RELN: variants seen among roughly 807,000 people sequenced by gnomAD.
RELN encodes the protein reelin.
RELN carries 108 observed loss-of-function variants against 427.6 expected under a neutral mutation model. The observed-to-expected ratio is 0.25, with a 90% CI of 0.22 to 0.30. The LOEUF (loss-of-function observed/expected upper bound fraction) is 0.30. Ranked by LOEUF, RELN falls within the 10% of genes least tolerant of loss-of-function variation. The pLI, the probability that RELN is intolerant of heterozygous loss-of-function variation, is 1.00. For synonymous variants in RELN, 1,524 were observed against 1,513.4 expected (o/e 1.01, Z -0.16); for missense variants, 3,715 against 4,302.8 (o/e 0.86, Z 3.82).
chr7:103,877,325 G>A (rs1011399223), intron 2 of RELN, among the ~76,000 whole-genome samples: 14 of 152,070 alleles, frequency 9.2e-5, no homozygotes, highest in African/African-American at 3.1e-4. Context: ...ATCCCAACAT[G>A]TCTGCCTCAA....
intron 15 of RELN, among the ~76,000 whole-genome samples, chr7:103,651,340 T>C (rs1268367031): frequency 6.6e-6 from 1 of 152,070 alleles, no homozygotes; most frequent in African/African-American, 2.4e-5. Flanking sequence ...AATTTAACTT[T>C]CTTCCATTTT....
chr7:103,672,654 TC>T, intron 11 of RELN, among the ~76,000 whole-genome samples: 1 of 152,258 alleles, frequency 6.6e-6, no homozygotes, highest in South Asian at 2.1e-4. Flanking sequence ...ATATTTTTTT[TC>T]CCAATAATAT....
intron 1 of RELN, among the ~76,000 whole-genome samples, chr7:103,983,540 T>C (rs1483715296): frequency 6.6e-6 from 1 of 152,248 alleles, no homozygotes; most frequent in Non-Finnish European, 1.5e-5. Context: ...AATTCGAGTA[T>C]CTGAAATAGG....
At chr7:103,827,357 G>A (rs1161561143) in intron 3 of RELN, among the ~76,000 whole-genome samples, 1 of 151,870 alleles carries the variant, frequency 6.6e-6, no homozygotes, top group Non-Finnish European at 1.5e-5. Context: ...AGAAAAGAGG[G>A]GGGAAAATGA....
chr7:103,895,350 G>T (rs1794937053), intron 2 of RELN, among the ~76,000 whole-genome samples: 1 of 152,070 alleles, frequency 6.6e-6, no homozygotes, highest in Non-Finnish European at 1.5e-5. Flanking sequence ...AGGCAAATGG[G>T]GGCCCATTAA....
intron 1 of RELN, among the ~76,000 whole-genome samples, chr7:103,962,845 T>G (rs1346778926): frequency 2.6e-5 from 4 of 152,166 alleles, no homozygotes; most frequent in African/African-American, 9.7e-5. Flanking sequence ...TTAAGAAAAC[T>G]ATTATGAGTT....
In RELN at chr7:103,745,731, G is replaced by A. The variant is rs1409279604; in HGVS notation, c.656+3695C>T. 2.0e-5 allele frequency among the ~76,000 whole-genome samples: 3 copies of A among 150,314 alleles called. No homozygotes were observed. The East Asian group carries it at 5.8e-4, about 29-fold the overall frequency. ...AAAGGGATGTGAAGGACCTCTTCAA[G>A]GAGAACTACAAACCACTGCTCAAGG... On this transcript the variant is annotated intron_variant, in intron 6 of 64. Coordinates refer to ENST00000428762, the MANE Select transcript of RELN (RefSeq NM_005045.4).
At chr7:103,895,806 C>T (rs1794947017) in intron 2 of RELN, among the ~76,000 whole-genome samples, 1 of 151,588 alleles carries the variant, frequency 6.6e-6, no homozygotes, top group Admixed American at 6.6e-5. Flanking sequence ...TACTAGACGG[C>T]ATACAGAAAG....
At position 103,580,037 on chromosome 7, in the gene RELN, A is replaced by G. The variant is rs362654; in HGVS notation, c.4146-4332T>C. Among the ~76,000 whole-genome samples the G allele has an allele frequency of 3.5e-3, 538 of 152,282 alleles. 21 individuals are homozygous for G. The East Asian group carries it at 0.091, about 26-fold the overall frequency. Reference sequence around the variant, plus strand: ...TACCAACATATATTCACCATCACCAATGTGTTTTCTGTAGGCAAGAGCCCG... The same window carrying G: ...TACCAACATATATTCACCATCACCAGTGTGTTTTCTGTAGGCAAGAGCCCG... On this transcript the variant is annotated intron_variant, in intron 28 of 64. Coordinates refer to ENST00000428762, the MANE Select transcript of RELN (RefSeq NM_005045.4).
chr7:103,656,192 A>G (rs1377053152), intron 12 of RELN, among the ~76,000 whole-genome samples: 1 of 152,112 alleles, frequency 6.6e-6, no homozygotes, highest in Non-Finnish European at 1.5e-5. Flanking sequence ...GACCTAAATT[A>G]ATAATTTAAA....
intron 1 of RELN, among the ~76,000 whole-genome samples, chr7:103,979,633 G>A (rs2116839253): frequency 6.6e-6 from 1 of 152,336 alleles, no homozygotes; most frequent in South Asian, 2.1e-4. Context: ...AGGTCAGAAT[G>A]CAGAAACTCA....
At chr7:103,859,535 C>T (rs1282447326) in intron 2 of RELN, among the ~76,000 whole-genome samples, 6 of 152,226 alleles carry the variant, frequency 3.9e-5, no homozygotes, top group Middle Eastern at 6.8e-3. Context: ...CCTCGTGATC[C>T]GCCCACTTTG....
At chr7:103,917,219 TAC>T in intron 1 of RELN, 34 bp from the exon 2 acceptor site, 1 of 1,446,490 alleles carries the variant, frequency 6.9e-7, no homozygotes, top group Non-Finnish European at 9.7e-7. Flanking sequence ...AAACTCTCAA[TAC>T]AGTCAGAATA....
At chr7:103,703,803 T>G (rs778309221) in intron 8 of RELN, among the ~76,000 whole-genome samples, 3 of 152,144 alleles carry the variant, frequency 2.0e-5, no homozygotes, top group Non-Finnish European at 4.4e-5. Context: ...ATGGAGAACT[T>G]TGGCTATTAA....
intron 2 of RELN, among the ~76,000 whole-genome samples, chr7:103,875,943 C>T (rs1794467703): frequency 6.6e-6 from 1 of 152,014 alleles, no homozygotes; most frequent in Admixed American, 6.6e-5. Flanking sequence ...GAGACAACCC[C>T]CAAGAGTCAA....
intron 49 of RELN, among the ~76,000 whole-genome samples, chr7:103,519,102 T>C (rs757765773): frequency 5.3e-5 from 8 of 152,210 alleles, no homozygotes; most frequent in African/African-American, 1.9e-4. Flanking sequence ...GGCATTGTGG[T>C]AGAATATTTC....
intron 8 of RELN, among the ~76,000 whole-genome samples, chr7:103,714,099 A>G (rs945495988): frequency 4.6e-5 from 7 of 152,120 alleles, no homozygotes; most frequent in African/African-American, 1.7e-4. Flanking sequence ...GGCTGGTTTA[A>G]TATGTTTTTT....
At chr7:103,979,993 C>G (rs1796958187) in intron 1 of RELN, among the ~76,000 whole-genome samples, 2 of 152,118 alleles carry the variant, frequency 1.3e-5, no homozygotes, top group African/African-American at 4.8e-5. Context: ...GAAACCCTGT[C>G]TCTACTAAAA....
chr7:103,751,010 G>A (rs990378034), intron 5 of RELN, among the ~76,000 whole-genome samples: 4 of 152,174 alleles, frequency 2.6e-5, no homozygotes, highest in African/African-American at 9.7e-5. Context: ...GCTGGCTACG[G>A]TGTAAGTGTG....
Sources: allele counts gnomAD v4.1 joint callset (sites outside exome capture counted in the v4.1 genomes callset), GRCh38; gene constraint gnomAD v4.1.1; transcripts MANE v1.5; gene names NCBI Gene and HGNC (gene_info 2026-07-23, HGNC 2026-07-21).